SLC35F5: variants seen among roughly 807,000 people sequenced by gnomAD.
The protein encoded by SLC35F5 is HCV NS5A-transactivated protein 3.
Under a neutral mutation model 68.6 loss-of-function variants are expected in SLC35F5, and 54 were observed. That is an observed-to-expected ratio of 0.79 (90% CI 0.63 to 0.99). The LOEUF (loss-of-function observed/expected upper bound fraction) is 0.99. SLC35F5 is among the 50% of genes least tolerant of loss of function. The pLI is 0.00. For synonymous variants in SLC35F5, 211 were observed against 205.2 expected (o/e 1.03, Z -0.24); for missense variants, 567 against 626.9 (o/e 0.90, Z 1.02).
At chr2:113,755,104 C>T in intron 3 of SLC35F5, 61 bp downstream of exon 3, 1 of 1,516,554 alleles carries the variant, frequency 6.6e-7, no homozygotes, top group Non-Finnish European at 9.0e-7. Context: ...AGAGTTACTA[C>T]AGGTTAAGAG....
Position 113,755,515 on chromosome 2 carries a change from G to C in SLC35F5, c.70C>G (p.Leu24Val), listed in dbSNP as rs1440014700. ...ATGCCGGAAAACTTGGCAGATCTCA[G>C]TCTAAAAGGAGGTGAAGAACTCAGC... The part of the protein sequence containing the change: ...GVLSSSPPFR[L>V]RSAKFSGIAL... The change falls in exon 2 of 16, where the codon CTG becomes GTG. Residue 24 changes from leucine to valine, a missense_variant. Coordinates refer to ENST00000245680, the MANE Select transcript of SLC35F5 (RefSeq NM_025181.5). 1 of 1,613,850 alleles carries C rather than the reference G, an allele frequency of 6.2e-7. No individual in the cohort carries two copies. The highest frequency in any genetic ancestry group is 8.5e-7 in the Non-Finnish European group (1 of 1,179,964).
intron 10 of SLC35F5, 111 bp downstream of exon 10, chr2:113,731,473 A>C: frequency 1.4e-6 from 1 of 695,352 alleles, no homozygotes; most frequent in Non-Finnish European, 2.4e-6. Flanking sequence ...AAGTTCAAAA[A>C]AAACCCACCC....
chr2:113,716,407 C>T (rs759754659), intron 15 of SLC35F5, among the ~76,000 whole-genome samples: 1 of 152,144 alleles, frequency 6.6e-6, no homozygotes, highest in Non-Finnish European at 1.5e-5. Flanking sequence ...TCCTACATAG[C>T]TCAGTCATAA....
chr2:113,721,969 A>ATT (rs1687456662), intron 13 of SLC35F5, among the ~76,000 whole-genome samples: 2 of 119,256 alleles, frequency 1.7e-5, no homozygotes, highest in East Asian at 2.1e-4. Context: ...TTTTGCTTTT[A>ATT]TCTTTTTTTT....
intron 3 of SLC35F5, among the ~76,000 whole-genome samples, chr2:113,754,050 G>C (rs1676864161): frequency 2.0e-5 from 3 of 152,060 alleles, no homozygotes; most frequent in Admixed American, 6.5e-5. Context: ...CCAGCACTTT[G>C]GGAGGCCGAG....
intron 5 of SLC35F5, among the ~76,000 whole-genome samples, chr2:113,744,798 T>C (rs1676421160): frequency 6.6e-6 from 1 of 152,120 alleles, no homozygotes; most frequent in Non-Finnish European, 1.5e-5. Context: ...AGCTGAGGTA[T>C]AAAGTAATCA....
chr2:113,755,713 A>G (rs1676954270), intron 1 of SLC35F5, 169 bp from the exon 2 acceptor site: 1 of 1,028,618 alleles, frequency 9.7e-7, no homozygotes, highest in Non-Finnish European at 1.5e-6. Flanking sequence ...TATCCACTGC[A>G]CGCTTCAGAT....
chr2:113,752,006 G>A (rs1441767182), intron 3 of SLC35F5, among the ~76,000 whole-genome samples: 2 of 152,122 alleles, frequency 1.3e-5, no homozygotes, highest in African/African-American at 2.4e-5. Flanking sequence ...GAGGTCAGGA[G>A]TTCAAGACCA....
downstream of SLC35F5, chr2:113,704,184 T>G (rs6741710): frequency 0.09 from 13,660 of 152,316 alleles, 658 homozygotes; most frequent in Non-Finnish European, 0.11. Flanking sequence ...CACTGGGGGC[T>G]CGGGCAGCCC....
chr2:113,720,824 G>A (rs1687402202), intron 13 of SLC35F5, among the ~76,000 whole-genome samples: 1 of 152,104 alleles, frequency 6.6e-6, no homozygotes, highest in Admixed American at 6.5e-5. Flanking sequence ...AATAAAGATA[G>A]ATAAAGCCCT....
chr2:113,725,373 C>T lies in SLC35F5; in HGVS notation c.1250+5G>A, dbSNP rs1180039675. On this transcript the variant is annotated splice_donor_5th_base_variant and intron_variant, in intron 12 of 15. Transcript: ENST00000245680. ...GATAATAATTGGAGAATAAACAGTA[C>T]ATACCACAACCACAGGAACTCTGAG... is the stretch of plus-strand genomic sequence containing the variant. 1 of 1,596,710 alleles carries T rather than the reference C, an allele frequency of 6.3e-7. No homozygotes were observed.
At chr2:113,747,261 T>C (rs942503047) in intron 4 of SLC35F5, among the ~76,000 whole-genome samples, 1 of 148,850 alleles carries the variant, frequency 6.7e-6, no homozygotes, top group Non-Finnish European at 1.5e-5. Flanking sequence ...CACTCCAACC[T>C]GGGCCACAGA....
Position 113,720,134 on chromosome 2 carries a change from C to A in SLC35F5, c.1342-826G>T, listed in dbSNP as rs551933693. 3.3e-5 allele frequency among the ~76,000 whole-genome samples: 5 copies of A among 151,558 alleles called. No individual in the cohort carries two copies. The South Asian group carries it at 1.0e-3, about 32-fold the overall frequency. On this transcript the variant is annotated intron_variant, in intron 13 of 15. Transcript: ENST00000245680. The stretch of plus-strand genomic sequence containing the variant: ...GCCATCCAAAACAAAACTCATTCTT[C>A]CCTTTCACTAGTTCACTTTTACCAT...
chr2:113,743,973 T>C (rs1676386214), intron 5 of SLC35F5, 179 bp from the exon 6 acceptor site: 1 of 428,832 alleles, frequency 2.3e-6, no homozygotes. Context: ...ACAGCTACAA[T>C]GACAGAAAAG....
chr2:113,717,971 A>T (rs1687243180), intron 14 of SLC35F5, 121 bp from the exon 15 acceptor site: 1 of 576,516 alleles, frequency 1.7e-6, no homozygotes, highest in Non-Finnish European at 2.9e-6. Context: ...CAGAACCAAC[A>T]CTAGGATAAA....
Position 113,708,635 on chromosome 2 carries a change from G to A in SLC35F5, c.*6583C>T, listed in dbSNP as rs758139585. 2.0e-5 allele frequency among the ~76,000 whole-genome samples: 3 copies of A among 152,162 alleles called. No individual in the cohort carries two copies. The highest frequency in any genetic ancestry group is 4.4e-5 in the Non-Finnish European group (3 of 68,034). On this transcript the variant is annotated 3_prime_UTR_variant, in exon 16 of 16. Transcript: ENST00000245680. ...GCAGGAGAATCACTTGAACCCAGGA[G>A]GCAGAGGTTAGAGTGAGCCGAGATC...
chr2:113,734,985 C>T (rs1281698026), intron 8 of SLC35F5, among the ~76,000 whole-genome samples: 3 of 152,138 alleles, frequency 2.0e-5, no homozygotes, highest in African/African-American at 7.2e-5. Context: ...CATAATCAAG[C>T]CTGTGTCCCT....
At chr2:113,736,222 T>C (rs1404345516) in intron 7 of SLC35F5, among the ~76,000 whole-genome samples, 1 of 151,520 alleles carries the variant, frequency 6.6e-6, no homozygotes, top group African/African-American at 2.4e-5. Flanking sequence ...GGTGGGTGGA[T>C]TGCTTGAGCC....
At chr2:113,735,901 G>T in intron 7 of SLC35F5, 43 bp from the exon 8 acceptor site, 3 of 1,169,248 alleles carry the variant, frequency 2.6e-6, no homozygotes, top group Admixed American at 1.9e-5. Flanking sequence ...TGAAAGACAT[G>T]TTTACATCTG....
Sources: gnomAD v4.1 joint callset for allele counts (sites outside exome capture counted in the v4.1 genomes callset) on GRCh38, gnomAD v4.1.1 for gene constraint, MANE v1.5 for transcripts, NCBI Gene and HGNC (gene_info 2026-07-23, HGNC 2026-07-21) for gene names.